GRK3: variants seen among roughly 807,000 people sequenced by gnomAD.
GRK3 encodes the protein G protein-coupled receptor kinase 3.
Under a neutral mutation model 95.7 loss-of-function variants are expected in GRK3, and 54 were observed. The observed-to-expected ratio is 0.56, with a 90% confidence interval of 0.45 to 0.71. The LOEUF is 0.71. GRK3 is among the 30% of genes least tolerant of loss of function. The probability of loss-of-function intolerance (pLI) is 0.00; values close to 1 mark genes in which losing one functional copy is unlikely to be tolerated. For missense variants in GRK3, 649 were observed against 851.2 expected, an observed-to-expected ratio of 0.76 and a Z score of 2.96; for synonymous variants, 281 against 290.8, an observed-to-expected ratio of 0.97 and a Z score of 0.34.
At chr22:25,580,643 C>T (rs1932066353) in intron 1 of GRK3, 1 of 152,182 alleles carries the variant, frequency 6.6e-6, no homozygotes. Context: ...AAGCAATTCT[C>T]CTGCCTCAGC....
chr22:25,596,822 C>T (rs548898453), intron 1 of GRK3, among the ~76,000 whole-genome samples: 1 of 152,330 alleles, frequency 6.6e-6, no homozygotes, highest in African/African-American at 2.4e-5. Context: ...ATGATACTCT[C>T]TCATTATTAA....
chr22:25,616,700 T>G lies in GRK3; in HGVS notation c.190+12247T>G, dbSNP rs146527920. ...GTCATGGAATTCCCAGTTTTGAAGA[T>G]AGAGTCAATAGATTTGTAAGAAATT... On this transcript the variant is annotated intron_variant, in intron 2 of 20. Coordinates refer to ENST00000324198, the MANE Select transcript of GRK3 (RefSeq NM_005160.4). Among the ~76,000 whole-genome samples, 30 of 152,202 alleles carry G rather than the reference T, an allele frequency of 2.0e-4. No individual in the cohort carries two copies. In the East Asian group the frequency reaches 5.6e-3, roughly 28 times the overall value.
chr22:25,585,580 A>G (rs1009136410), intron 1 of GRK3, among the ~76,000 whole-genome samples: 5 of 152,206 alleles, frequency 3.3e-5, no homozygotes, highest in Admixed American at 3.3e-4. Context: ...CGTTAATTAC[A>G]AAGTTTTAAA....
Position 25,601,579 on chromosome 22 carries a change from T to A in GRK3, c.114-2798T>A, listed in dbSNP as rs539359870. Reference sequence around the variant, plus strand: ...ATAATTTAAATTCATTGATCCAACTTCTTAAGTTAGAAAAGAAGCAATGAA... The same window carrying A: ...ATAATTTAAATTCATTGATCCAACTACTTAAGTTAGAAAAGAAGCAATGAA... On this transcript the variant is annotated intron_variant, in intron 1 of 20. Coordinates refer to ENST00000324198, the MANE Select transcript of GRK3 (RefSeq NM_005160.4). Among the ~76,000 whole-genome samples the A allele has an allele frequency of 3.3e-5, 5 of 152,228 alleles. No individual in the cohort carries two copies. The South Asian group carries it at 8.3e-4, about 25-fold the overall frequency.
At chr22:25,615,376 A>G (rs1487803701) in intron 2 of GRK3, among the ~76,000 whole-genome samples, 1 of 152,158 alleles carries the variant, frequency 6.6e-6, no homozygotes, top group African/African-American at 2.4e-5. Context: ...TAGGATTTTA[A>G]GAGCCCTCAA....
intron 5 of GRK3, among the ~76,000 whole-genome samples, chr22:25,664,282 G>A (rs1288861846): frequency 6.6e-6 from 1 of 152,044 alleles, no homozygotes; most frequent in East Asian, 1.9e-4. Flanking sequence ...TAGATGAGGT[G>A]GTTTCACTTC....
intron 2 of GRK3, among the ~76,000 whole-genome samples, chr22:25,619,974 C>G (rs2084569117): frequency 6.7e-6 from 1 of 149,966 alleles, no homozygotes; most frequent in Admixed American, 6.7e-5. Context: ...TCCTCACATT[C>G]CTTCCTTTAC....
At chr22:25,671,305 A>T (rs1027348661) in intron 6 of GRK3, among the ~76,000 whole-genome samples, 1 of 152,246 alleles carries the variant, frequency 6.6e-6, no homozygotes, top group Non-Finnish European at 1.5e-5. Flanking sequence ...GCGCCACTGC[A>T]CTTCAGCCTG....
In GRK3 at chr22:25,728,207, T is replaced by C. The variant is rs1373591147; in HGVS notation, c.*5757T>C. 6.6e-6 allele frequency: 1 copy of C among 152,252 alleles called. No homozygotes were observed. Among genetic ancestry groups the C allele is most frequent in the East Asian group, 1.9e-4 (1 of 5,206 alleles). The allele number at this position is 152,252 out of a possible 1,614,324, so 9.4% of individuals were successfully genotyped here. A position where few individuals can be genotyped will look rare whatever the true frequency, so the allele number is the denominator to read the frequency against. Reference sequence around the variant, plus strand: ...GACATCTCTTCTCACCACCATGGACTGTTTTCAACAACAGTTGATCTTCTG... The same window carrying C: ...GACATCTCTTCTCACCACCATGGACCGTTTTCAACAACAGTTGATCTTCTG... On this transcript the variant is annotated 3_prime_UTR_variant, in exon 21 of 21. Coordinates refer to ENST00000324198, the MANE Select transcript of GRK3 (RefSeq NM_005160.4).
intron 2 of GRK3, among the ~76,000 whole-genome samples, chr22:25,620,058 G>GTGTGTGTGTGTGTGT (rs2084572225): frequency 7.0e-6 from 1 of 143,572 alleles, no homozygotes; most frequent in Non-Finnish European, 1.5e-5. Context: ...GTGTGTGTGT[G>GTGTGTGTGTGTGTGT]GTTTTAAGGA....
intron 12 of GRK3, among the ~76,000 whole-genome samples, chr22:25,691,487 TA>T (rs1454290364): frequency 6.6e-6 from 1 of 152,260 alleles, no homozygotes; most frequent in African/African-American, 2.4e-5. Flanking sequence ...ACCGTTTCTG[TA>T]AACATATTTC....
intron 13 of GRK3, among the ~76,000 whole-genome samples, chr22:25,701,284 G>C (rs2146452363): frequency 6.6e-6 from 1 of 152,316 alleles, no homozygotes; most frequent in East Asian, 1.9e-4. Context: ...ACTCAGAATG[G>C]AGATTATTAC....
chr22:25,627,953 T>C (rs2084639533), intron 2 of GRK3, among the ~76,000 whole-genome samples: 1 of 152,198 alleles, frequency 6.6e-6, no homozygotes, highest in Non-Finnish European at 1.5e-5. Flanking sequence ...AGCAATAGTA[T>C]TGACTTGCAA....
intron 2 of GRK3, among the ~76,000 whole-genome samples, chr22:25,631,737 G>A (rs1348095861): frequency 6.6e-6 from 1 of 152,202 alleles, no homozygotes; most frequent in Non-Finnish European, 1.5e-5. Flanking sequence ...ACCCTTCGTA[G>A]TCAACCCACA....
At chr22:25,686,945 G>A (rs933066848) in intron 10 of GRK3, among the ~76,000 whole-genome samples, 2 of 152,188 alleles carry the variant, frequency 1.3e-5, no homozygotes, top group Non-Finnish European at 2.9e-5. Flanking sequence ...TCAGACTCCC[G>A]AGTAGCTGGG....
At chr22:25,683,962 T>C (rs1236497122) in intron 9 of GRK3, among the ~76,000 whole-genome samples, 1 of 152,232 alleles carries the variant, frequency 6.6e-6, no homozygotes, top group Non-Finnish European at 1.5e-5. Flanking sequence ...TATTCTCTTT[T>C]GTTTTCTTCT....
At chr22:25,591,840 C>T (rs183532965) in intron 1 of GRK3, among the ~76,000 whole-genome samples, 3 of 152,214 alleles carry the variant, frequency 2.0e-5, no homozygotes, top group Admixed American at 6.5e-5. Flanking sequence ...CATTTTATTG[C>T]TGAGTACTGT....
At chr22:25,591,252 T>G (rs184276154) in intron 1 of GRK3, among the ~76,000 whole-genome samples, 1 of 152,294 alleles carries the variant, frequency 6.6e-6, no homozygotes, top group Non-Finnish European at 1.5e-5. Flanking sequence ...AATAGCAAAA[T>G]GGAAGAGGTA....
In GRK3 at chr22:25,728,217, A is replaced by G. The variant is rs1035740470; in HGVS notation, c.*5767A>G. ...CTCACCACCATGGACTGTTTTCAAC[A>G]ACAGTTGATCTTCTGGTCTGTGCTG... On this transcript the variant is annotated 3_prime_UTR_variant, in exon 21 of 21. Transcript: ENST00000324198. 1 of 152,222 alleles carries G rather than the reference A, an allele frequency of 6.6e-6. No individual in the cohort carries two copies. Among genetic ancestry groups the G allele is most frequent in the African/African-American group, 2.4e-5 (1 of 41,434 alleles). The allele number at this position is 152,222 out of a possible 1,614,324, so 9.4% of individuals were successfully genotyped here. A position where few individuals can be genotyped will look rare whatever the true frequency, so the allele number is the denominator to read the frequency against.
Sources: gnomAD v4.1 joint callset for allele counts (sites outside exome capture counted in the v4.1 genomes callset) on GRCh38, gnomAD v4.1.1 for gene constraint, MANE v1.5 for transcripts, NCBI Gene and HGNC (gene_info 2026-07-23, HGNC 2026-07-21) for gene names.